Variants in PAN3 observed in about 807,000 individuals in gnomAD.
The protein encoded by PAN3 is poly(A) specific ribonuclease subunit PAN3, also known as PAN2-PAN3 deadenylation complex subunit PAN3.
Under a neutral mutation model 96.2 loss-of-function variants are expected in PAN3, and 19 were observed. The observed-to-expected ratio is 0.20, with a 90% CI of 0.14 to 0.29. The LOEUF is 0.29. Among genes scored for constraint, PAN3 ranks in the 10% least tolerant of loss-of-function variants. The pLI, the probability that PAN3 is intolerant of heterozygous loss-of-function variation, is 1.00. For synonymous variants in PAN3, 433 were observed against 406.6 expected, an observed-to-expected ratio of 1.06 and a Z score of -0.78; for missense variants, 882 against 1,108.1, an observed-to-expected ratio of 0.80 and a Z score of 2.90.
intron 1 of PAN3, among the ~76,000 whole-genome samples, chr13:28,167,151 C>T (rs1222945315): frequency 7.5e-6 from 1 of 133,166 alleles, no homozygotes; most frequent in Non-Finnish European, 1.5e-5. Context: ...ATCTCCTTAT[C>T]AAAAGGTCGC....
intron 4 of PAN3, among the ~76,000 whole-genome samples, chr13:28,190,101 G>T (rs1273973331): frequency 6.6e-6 from 1 of 151,952 alleles, no homozygotes; most frequent in African/African-American, 2.4e-5. Context: ...GTACCACCAC[G>T]CCTGGCTAAT....
Position 28,177,856 on chromosome 13 carries a change from A to T in PAN3, c.620-9A>T. On this transcript the variant is annotated splice_polypyrimidine_tract_variant and intron_variant, in intron 3 of 18. Transcript: ENST00000380958. ...TTATGTGTGGAAACTTACGTAACTT[A>T]CCTTTCAGATCCTCTAACATCACCT... 1 of 1,611,134 alleles carries T rather than the reference A, an allele frequency of 6.2e-7. No individual in the cohort carries two copies. The highest frequency in any genetic ancestry group is 1.1e-5 in the South Asian group (1 of 90,976).
At chr13:28,227,621 A>C (rs1174716024) in intron 6 of PAN3, among the ~76,000 whole-genome samples, 2 of 152,330 alleles carry the variant, frequency 1.3e-5, no homozygotes, top group East Asian at 3.9e-4. Context: ...GTAATAGTAG[A>C]TGATTTTAAG....
chr13:28,167,296 G>T (rs1227297128), intron 1 of PAN3, among the ~76,000 whole-genome samples: 1 of 151,484 alleles, frequency 6.6e-6, no homozygotes, highest in African/African-American at 2.4e-5. Flanking sequence ...GGGTTCAAGT[G>T]ATTCTCCTGC....
At chr13:28,229,079 G>T (rs912604669) in intron 6 of PAN3, among the ~76,000 whole-genome samples, 11 of 152,192 alleles carry the variant, frequency 7.2e-5, no homozygotes, top group African/African-American at 2.4e-4. Context: ...GATGACCCAA[G>T]CCTGGAAGTT....
At chr13:28,217,598 C>CA (rs11426953) in intron 5 of PAN3, among the ~76,000 whole-genome samples, 16,559 of 130,782 alleles carry the variant, frequency 0.13, 1,074 homozygotes, top group Middle Eastern at 0.22. Context: ...AAAAAAAAAA[C>CA]AAAAAAAAAA....
At chr13:28,273,849 A>G (rs745786794) in intron 14 of PAN3, among the ~76,000 whole-genome samples, 1 of 152,180 alleles carries the variant, frequency 6.6e-6, no homozygotes, top group African/African-American at 2.4e-5. Context: ...TCTCTTTTCA[A>G]CTTATTTTGT....
At chr13:28,239,363 C>CT (rs2138491607) in intron 6 of PAN3, among the ~76,000 whole-genome samples, 2 of 152,188 alleles carry the variant, frequency 1.3e-5, no homozygotes, top group East Asian at 3.9e-4. Context: ...CTCTTGAAAA[C>CT]TTTGTTAGCT....
rs1887377284 is a variant in PAN3, at chr13:28,280,450, A to G, written c.2228A>G (p.Asn743Ser). 1 of 1,613,112 alleles carries G rather than the reference A, an allele frequency of 6.2e-7. No homozygotes were observed. Among genetic ancestry groups the G allele is most frequent in the Non-Finnish European group, 8.5e-7 (1 of 1,179,330 alleles). Residue 743 changes from asparagine (N) to serine (S), a missense_variant, in exon 16 of 19, where the codon AAT becomes AGT. This residue lies in a region of PAN3 where 364 missense variants were observed against 513.6 expected (regional missense o/e 0.71). Transcript: ENST00000380958. ...GACCAAAACAGGATGCGAAGTGTAA[A>G]TGACATCATGCCCATGATTGGTGCT... The part of the protein sequence containing the change: ...LTDQNRMRSV[N>S]DIMPMIGARF...
chr13:28,217,789 T>G (rs1880971801), intron 5 of PAN3, among the ~76,000 whole-genome samples: 1 of 152,114 alleles, frequency 6.6e-6, no homozygotes, highest in Non-Finnish European at 1.5e-5. Flanking sequence ...TAGAGAAATA[T>G]CTGTCTTTAG....
chr13:28,281,298 T>C lies in PAN3; in HGVS notation c.2320-17T>C, dbSNP rs767197831. 6.2e-7 allele frequency: 1 copy of C among 1,600,732 alleles called. No homozygotes were observed. Among genetic ancestry groups the C allele is most frequent in the Non-Finnish European group, 8.5e-7 (1 of 1,171,758 alleles). ...TCTGGAACATTAACATTTTTCTCTT[T>C]TTAAAATGTTTTATAGGAGGTTCAA... On this transcript the variant is annotated splice_polypyrimidine_tract_variant and intron_variant, in intron 16 of 18. Coordinates refer to ENST00000380958, the MANE Select transcript of PAN3 (RefSeq NM_175854.8).
In PAN3 at chr13:28,270,833, A is replaced by G; in HGVS notation, c.1925A>G (p.Asp642Gly). The change falls in exon 13 of 19, where the codon GAT becomes GGT. Residue 642 changes from aspartate (D) to glycine (G), a missense_variant. By Grantham distance (94) the Asp-to-Gly change is moderately conservative. Around this residue, in one of 3 missense-constraint regions of PAN3, gnomAD observed 364 missense variants for 513.6 expected, o/e 0.71. Coordinates refer to ENST00000380958, the MANE Select transcript of PAN3 (RefSeq NM_175854.8). ...HTAGLACRVM[D>G]PTKILITGKT... ...GCAGGTTTGGCATGTCGAGTTATGGATCCAACAAAGATTCTGATAACTGGC... is the reference window on the plus strand; with the variant it reads ...GCAGGTTTGGCATGTCGAGTTATGGGTCCAACAAAGATTCTGATAACTGGC... The G allele has an allele frequency of 1.2e-6, 2 of 1,613,910 alleles. No individual in the cohort carries two copies. The highest frequency in any genetic ancestry group is 1.7e-6 in the Non-Finnish European group (2 of 1,179,836).
intron 6 of PAN3, among the ~76,000 whole-genome samples, chr13:28,234,441 A>G (rs1882890812): frequency 1.3e-5 from 2 of 152,180 alleles, no homozygotes; most frequent in Admixed American, 6.5e-5. Flanking sequence ...TGAAGATACT[A>G]TTGGTGTGCA....
chr13:28,191,549 T>C (rs1877259484), intron 4 of PAN3, among the ~76,000 whole-genome samples: 1 of 152,094 alleles, frequency 6.6e-6, no homozygotes, highest in South Asian at 2.1e-4. Flanking sequence ...CAAGAAAGAA[T>C]TATCCAAAGT....
chr13:28,184,448 T>G (rs1422642008), intron 4 of PAN3, among the ~76,000 whole-genome samples: 1 of 152,098 alleles, frequency 6.6e-6, no homozygotes, highest in Non-Finnish European at 1.5e-5. Context: ...CTGAGTTTAC[T>G]CTAGGGTGAA....
chr13:28,283,919 G>A (rs1265489797), intron 17 of PAN3, among the ~76,000 whole-genome samples: 1 of 152,184 alleles, frequency 6.6e-6, no homozygotes, highest in Non-Finnish European at 1.5e-5. Flanking sequence ...TTATCCTATG[G>A]ATGTGTTATA....
At chr13:28,219,704 A>G (rs1351321388) in intron 5 of PAN3, among the ~76,000 whole-genome samples, 1 of 152,212 alleles carries the variant, frequency 6.6e-6, no homozygotes, top group African/African-American at 2.4e-5. Flanking sequence ...AGTTTTTCTT[A>G]TATCTTGATT....
At chr13:28,226,616 ATTGT>A (rs1435092444) in intron 6 of PAN3, among the ~76,000 whole-genome samples, 1 of 151,860 alleles carries the variant, frequency 6.6e-6, no homozygotes, top group Non-Finnish European at 1.5e-5. Flanking sequence ...TAATTTTGTA[ATTGT>A]TAGGTATCTC....
chr13:28,253,398 A>C (rs1321006602), intron 6 of PAN3, among the ~76,000 whole-genome samples: 1 of 152,204 alleles, frequency 6.6e-6, no homozygotes, highest in East Asian at 1.9e-4. Context: ...GTGGATGTGT[A>C]GATATTTTAC....
Sources: allele counts gnomAD v4.1 joint callset (sites outside exome capture counted in the v4.1 genomes callset), GRCh38; gene constraint gnomAD v4.1.1; regional missense constraint gnomAD v4.1.1; transcripts MANE v1.5; gene names NCBI Gene and HGNC (gene_info 2026-07-23, HGNC 2026-07-21).